Variants in RAB11FIP3 observed in about 807,000 individuals in gnomAD.
RAB11FIP3 encodes rab11 family-interacting protein 3.
RAB11FIP3 carries 17 observed loss-of-function variants against 77.8 expected under a neutral mutation model. That is an observed-to-expected ratio of 0.22 (90% CI 0.15 to 0.33). The LOEUF (loss-of-function observed/expected upper bound fraction) is 0.33. RAB11FIP3 is among the 10% of genes least tolerant of loss of function. The pLI, the probability that RAB11FIP3 is intolerant of heterozygous loss-of-function variation, is 1.00. For synonymous variants in RAB11FIP3, 437 were observed against 448.2 expected, an observed-to-expected ratio of 0.98 and a Z score of 0.31; for missense variants, 1,005 against 1,011.2, an observed-to-expected ratio of 0.99 and a Z score of 0.08.
chr16:484,315 C>T (rs996814878), intron 4 of RAB11FIP3, among the ~76,000 whole-genome samples: 16 of 152,122 alleles, frequency 1.1e-4, no homozygotes, highest in Admixed American at 6.6e-5. Context: ...CCTTCCTGTG[C>T]CTGGCTTCTT....
chr16:509,760 C>CA lies in RAB11FIP3; in HGVS notation c.1500-899dup, dbSNP rs1555507618. On this transcript the variant is annotated intron_variant, in intron 8 of 13. Transcript: ENST00000262305. ...CTGGGAGCAGAGTGGGCCCCCCCCC[C>CA]ACTTGTGGCCCCTCACAGCCTCTGG... Among the ~76,000 whole-genome samples the CA allele has an allele frequency of 7.9e-5, 12 of 152,286 alleles. No individual in the cohort carries two copies. The South Asian group carries it at 1.2e-3, about 16-fold the overall frequency.
intron 6 of RAB11FIP3, chr16:497,154 C>G (rs929469235): frequency 1.4e-6 from 1 of 739,316 alleles, no homozygotes; most frequent in Non-Finnish European, 2.0e-6. Flanking sequence ...GATGTCTGCT[C>G]TATGTTAGCT....
At chr16:498,908 C>G (rs8045722) in intron 6 of RAB11FIP3, among the ~76,000 whole-genome samples, 4,003 of 152,142 alleles carry the variant, frequency 0.026, 185 homozygotes, top group African/African-American at 0.092. Flanking sequence ...TTGCTCACCC[C>G]TTTCAGAAAA....
chr16:516,050 C>T (rs1391731718), intron 9 of RAB11FIP3, among the ~76,000 whole-genome samples: 2 of 152,194 alleles, frequency 1.3e-5, no homozygotes, highest in Non-Finnish European at 2.9e-5. Flanking sequence ...TCCCGGGCAC[C>T]CCGTGGCCTC....
intron 1 of RAB11FIP3, among the ~76,000 whole-genome samples, chr16:434,185 G>A (rs930542786): frequency 2.0e-5 from 3 of 151,600 alleles, no homozygotes; most frequent in South Asian, 2.1e-4. Context: ...GCAATGGCAC[G>A]ATTTTAGGTC....
chr16:445,127 A>AAAAG (rs1555499512), intron 1 of RAB11FIP3, among the ~76,000 whole-genome samples: 1 of 145,210 alleles, frequency 6.9e-6, no homozygotes, highest in African/African-American at 2.6e-5. Context: ...AAAAAAAAAA[A>AAAAG]AAAAGAAAAA....
intron 4 of RAB11FIP3, among the ~76,000 whole-genome samples, chr16:486,186 G>C (rs1158169978): frequency 6.6e-6 from 1 of 152,194 alleles, no homozygotes; most frequent in Non-Finnish European, 1.5e-5. Flanking sequence ...TTACAGGCGA[G>C]TATTTTCTCA....
intron 4 of RAB11FIP3, among the ~76,000 whole-genome samples, chr16:483,089 C>T (rs370173658): frequency 5.9e-5 from 9 of 152,176 alleles, no homozygotes; most frequent in East Asian, 3.8e-4. Context: ...GCCATGTTCT[C>T]TCCCCACCTG....
chr16:489,999 G>T (rs917567566), intron 5 of RAB11FIP3, among the ~76,000 whole-genome samples: 19 of 152,208 alleles, frequency 1.2e-4, no homozygotes, highest in African/African-American at 4.3e-4. Context: ...CCAGCGCGTG[G>T]TGGTGTCAAG....
rs2032657580 is a variant in RAB11FIP3 at position 520,906 on chromosome 16, T to C, written c.*67T>C. The C allele has an allele frequency of 7.6e-7, 1 of 1,323,938 alleles. No homozygotes were observed. The highest frequency in any genetic ancestry group is 1.1e-6 in the Non-Finnish European group (1 of 919,622). The allele number at this position is 1,323,938 out of a possible 1,614,324, so 82.0% of individuals were successfully genotyped here. A position where few individuals can be genotyped will look rare whatever the true frequency, so the allele number is the denominator to read the frequency against. On this transcript the variant is annotated 3_prime_UTR_variant, in exon 14 of 14. Transcript: ENST00000262305. ...ACCCTGGAGTGGTTCCGTCAGACCA[T>C]GAGGAGCCAAGACCAGCAGGTCCCA...
intron 1 of RAB11FIP3, among the ~76,000 whole-genome samples, chr16:448,188 G>C (rs757267230): frequency 4.0e-5 from 6 of 151,166 alleles, no homozygotes; most frequent in Non-Finnish European, 8.8e-5. Context: ...GTGGTGGCGC[G>C]CATCTGTAGT....
chr16:489,591 G>C (rs1334664557), intron 5 of RAB11FIP3, among the ~76,000 whole-genome samples: 4 of 152,184 alleles, frequency 2.6e-5, no homozygotes, highest in African/African-American at 9.6e-5. Context: ...CCTGACTTCA[G>C]GGAGACCCTG....
At chr16:435,535 A>G (rs1482142712) in intron 1 of RAB11FIP3, among the ~76,000 whole-genome samples, 3 of 152,346 alleles carry the variant, frequency 2.0e-5, no homozygotes, top group Non-Finnish European at 4.4e-5. Flanking sequence ...ACTTACAACC[A>G]GGTAGAATTG....
At chr16:439,186 T>C (rs79312085) in intron 1 of RAB11FIP3, 2 of 152,302 alleles carry the variant, frequency 1.3e-5, no homozygotes, top group South Asian at 4.1e-4. Context: ...CTAGGAAAAA[T>C]GGATTCAGTG....
At chr16:496,045 C>T (rs111528363) in intron 5 of RAB11FIP3, among the ~76,000 whole-genome samples, 2,829 of 152,260 alleles carry the variant, frequency 0.019, 55 homozygotes, top group Admixed American at 0.055. Flanking sequence ...CCACCACGCC[C>T]GGCCCCTCCA....
chr16:491,702 C>T lies in RAB11FIP3; in HGVS notation c.1265+2702C>T, dbSNP rs56811959. Among the ~76,000 whole-genome samples the T allele has an allele frequency of 0.013, 1,983 of 152,348 alleles. 81 individuals are homozygous for T. In the East Asian group the frequency reaches 0.15, roughly 11 times the overall value. ...CACAGTGAGCGTGTGAGGGAGCTCA[C>T]TGTGTCTCAGCAGGGGAGCTCTTGT... is the stretch of plus-strand genomic sequence containing the variant. On this transcript the variant is annotated intron_variant, in intron 5 of 13. Transcript: ENST00000262305.
In RAB11FIP3 at chr16:521,691, G is replaced by C. The variant is rs1332762460; in HGVS notation, c.*852G>C. Reference sequence around the variant, plus strand: ...CAGGGTGGATGCCACAGGCCCCTCTGGCTCCCAGGTGCTGCTTCTCCACAG... The same window carrying C: ...CAGGGTGGATGCCACAGGCCCCTCTCGCTCCCAGGTGCTGCTTCTCCACAG... On this transcript the variant is annotated 3_prime_UTR_variant, in exon 14 of 14. Coordinates refer to ENST00000262305, the MANE Select transcript of RAB11FIP3 (RefSeq NM_014700.4). 1.3e-5 allele frequency: 2 copies of C among 152,358 alleles called. No homozygotes were observed. The highest frequency in any genetic ancestry group is 4.8e-5 in the African/African-American group (2 of 41,452). 9.4% of individuals were successfully genotyped at this position (152,358 alleles called of 1,614,324 possible).
intron 1 of RAB11FIP3, among the ~76,000 whole-genome samples, chr16:448,285 C>G (rs545266404): frequency 6.7e-6 from 1 of 148,160 alleles, no homozygotes; most frequent in Non-Finnish European, 1.5e-5. Flanking sequence ...CCATTGCACT[C>G]TAGCCTGGGC....
intron 3 of RAB11FIP3, among the ~76,000 whole-genome samples, chr16:476,437 C>G (rs2055908981): frequency 6.6e-6 from 1 of 152,216 alleles, no homozygotes; most frequent in Non-Finnish European, 1.5e-5. Context: ...GCAGGCCCCA[C>G]TGCCCGGACC....
Sources: allele counts gnomAD v4.1 joint callset (sites outside exome capture counted in the v4.1 genomes callset), GRCh38; gene constraint gnomAD v4.1.1; transcripts MANE v1.5; gene names NCBI Gene and HGNC (gene_info 2026-07-23, HGNC 2026-07-21).